The following ATXN7 variants were observed in gnomAD, a reference collection of about 807,000 sequenced individuals.
ATXN7 encodes ataxin 7.
ATXN7 carries 12 observed loss-of-function variants against 70.5 expected under a neutral mutation model. The ratio of observed to expected loss-of-function variants is 0.17; its 90% confidence interval spans 0.11 to 0.28. The LOEUF (loss-of-function observed/expected upper bound fraction) is 0.28, where lower values mean the gene tolerates loss of function less well. Ranked by LOEUF, ATXN7 falls within the 10% of genes least tolerant of loss-of-function variation. ATXN7 has a pLI of 1.00. For missense variants in ATXN7, 1,256 were observed against 1,131.7 expected (o/e 1.11, Z -1.58); for synonymous variants, 498 against 448.7 (o/e 1.11, Z -1.39).
In ATXN7 at chr3:63,980,172, GTA is replaced by G. The variant is rs570461625; in HGVS notation, c.752+7_752+8del. 80 of 1,614,132 alleles carry G rather than the reference GTA, an allele frequency of 5.0e-5. No individual in the cohort carries two copies. The African/African-American group carries it at 9.7e-4, about 20-fold the overall frequency. ...TAGAGTTCCCCATGGTAGAATGTGAGTATGGCCAAGAGGGTTTTTAAAGCTTA... is the reference window on the plus strand; with the variant it reads ...TAGAGTTCCCCATGGTAGAATGTGAGTGGCCAAGAGGGTTTTTAAAGCTTA... On this transcript the variant is annotated splice_donor_region_variant and intron_variant, in intron 6 of 12. Coordinates refer to ENST00000674280, the MANE Select transcript of ATXN7 (RefSeq NM_001377405.1).
chr3:63,930,428 G>C (rs1381091491), intron 4 of ATXN7, among the ~76,000 whole-genome samples: 1 of 152,200 alleles, frequency 6.6e-6, no homozygotes, highest in Non-Finnish European at 1.5e-5. Flanking sequence ...TTCCCTGGAA[G>C]GCCTTGGCCA....
chr3:63,958,968 C>T (rs1288407732), intron 5 of ATXN7, among the ~76,000 whole-genome samples: 3 of 152,178 alleles, frequency 2.0e-5, no homozygotes, highest in Middle Eastern at 3.2e-3. Flanking sequence ...ACAAAACTAT[C>T]ATTAGTGACA....
intron 1 of ATXN7, among the ~76,000 whole-genome samples, chr3:63,876,922 C>T (rs576750891): frequency 2.9e-4 from 44 of 152,052 alleles, no homozygotes; most frequent in Admixed American, 4.6e-4. Context: ...CATTTGTAGT[C>T]GGAGTACTTC....
At chr3:63,928,754 G>T (rs1704818537) in intron 4 of ATXN7, among the ~76,000 whole-genome samples, 1 of 152,198 alleles carries the variant, frequency 6.6e-6, no homozygotes, top group Non-Finnish European at 1.5e-5. Flanking sequence ...CAATTCAGCA[G>T]TGGCTTATTT....
rs1049126279 is a variant in ATXN7 at position 63,868,009 on chromosome 3, C to T, written c.-111+3851C>T. On this transcript the variant is annotated intron_variant, in intron 1 of 12. Coordinates refer to ENST00000674280, the MANE Select transcript of ATXN7 (RefSeq NM_001377405.1). Reference sequence around the variant, plus strand: ...CAGTTGATAAGCCAAGCTGGTCTGACGTGCTAGTCCTGCATGTACTGTGGC... The same window carrying T: ...CAGTTGATAAGCCAAGCTGGTCTGATGTGCTAGTCCTGCATGTACTGTGGC... 1.6e-4 allele frequency among the ~76,000 whole-genome samples: 24 copies of T among 152,338 alleles called. No individual in the cohort carries two copies. In the East Asian group the frequency reaches 1.9e-3, roughly 12 times the overall value.
intron 5 of ATXN7, among the ~76,000 whole-genome samples, chr3:63,953,752 G>A (rs539287599): frequency 2.6e-5 from 4 of 151,010 alleles, no homozygotes; most frequent in Non-Finnish European, 5.9e-5. Context: ...CCAGATTCAA[G>A]CAATTCCCTT....
chr3:63,929,492 C>A (rs1378916198), intron 4 of ATXN7, among the ~76,000 whole-genome samples: 1 of 152,020 alleles, frequency 6.6e-6, no homozygotes, highest in African/African-American at 2.4e-5. Flanking sequence ...ACGATGGTCT[C>A]GATCTCCTGA....
rs368210051 is a variant in ATXN7, at chr3:63,913,263, C to G, written c.394+38C>G. The G allele has an allele frequency of 2.0e-5, 32 of 1,592,126 alleles. No homozygotes were observed. In the African/African-American group the frequency reaches 3.8e-4, roughly 19 times the overall value. Reference sequence around the variant, plus strand: ...CCCCTGATGGAGTTTGTACAAACCCCTGGGAAGTTTCATTGACAGTTCACT... The same window carrying G: ...CCCCTGATGGAGTTTGTACAAACCCGTGGGAAGTTTCATTGACAGTTCACT... On this transcript the variant is annotated intron_variant, in intron 4 of 12. Transcript: ENST00000674280.
At chr3:63,945,461 C>T (rs775621808) in intron 4 of ATXN7, among the ~76,000 whole-genome samples, 1 of 152,190 alleles carries the variant, frequency 6.6e-6, no homozygotes, top group Non-Finnish European at 1.5e-5. Context: ...GACTATTGAA[C>T]TTGAACTTCT....
At chr3:63,877,582 A>G (rs182483125) in intron 1 of ATXN7, among the ~76,000 whole-genome samples, 22 of 152,334 alleles carry the variant, frequency 1.4e-4, no homozygotes, top group Admixed American at 1.2e-3. Context: ...ACAACTGTCT[A>G]TATCTGTCTG....
chr3:63,987,489 T>C (rs2075596510), intron 8 of ATXN7, among the ~76,000 whole-genome samples: 2 of 152,232 alleles, frequency 1.3e-5, no homozygotes, highest in Admixed American at 1.3e-4. Context: ...GCTCCTTGGC[T>C]GTGGCAGTCT....
intron 4 of ATXN7, among the ~76,000 whole-genome samples, chr3:63,939,123 C>G (rs1476684821): frequency 6.6e-6 from 1 of 151,944 alleles, no homozygotes; most frequent in Non-Finnish European, 1.5e-5. Context: ...TCTCAGAGGC[C>G]CTTAGAACTT....
rs141022009 is a variant in ATXN7, at chr3:63,958,140, C to T, written c.499+5657C>T. On this transcript the variant is annotated intron_variant, in intron 5 of 12. Coordinates refer to ENST00000674280, the MANE Select transcript of ATXN7 (RefSeq NM_001377405.1). ...GAACGTAGTTTTAGTAGAAACACTC[C>T]TGTGATCTTACAGCTTTCTCTCCTT... Among the ~76,000 whole-genome samples, 239 of 152,306 alleles carry T rather than the reference C, an allele frequency of 1.6e-3. 2 individuals carry two copies. The highest frequency in any genetic ancestry group is 5.4e-3 in the African/African-American group (223 of 41,554).
intron 1 of ATXN7, among the ~76,000 whole-genome samples, chr3:63,882,734 T>C (rs1702953126): frequency 6.6e-6 from 1 of 152,158 alleles, no homozygotes; most frequent in Admixed American, 6.5e-5. Flanking sequence ...GACAGGTTGA[T>C]TGGGACATAG....
intron 5 of ATXN7, chr3:63,967,695 C>G (rs963100677): frequency 3.6e-6 from 4 of 1,110,576 alleles, no homozygotes; most frequent in Non-Finnish European, 4.7e-6. Context: ...TTTACACCAG[C>G]CAGGACGCCT....
intron 4 of ATXN7, among the ~76,000 whole-genome samples, chr3:63,933,497 C>T (rs900796441): frequency 4.6e-5 from 7 of 152,078 alleles, no homozygotes; most frequent in Non-Finnish European, 8.8e-5. Context: ...TTTTTGCCAC[C>T]TTGTTGTTGA....
At chr3:63,958,750 G>C (rs2075076636) in intron 5 of ATXN7, among the ~76,000 whole-genome samples, 1 of 152,024 alleles carries the variant, frequency 6.6e-6, no homozygotes, top group South Asian at 2.1e-4. Context: ...GAGAATTTTT[G>C]CATGTATTAT....
intron 4 of ATXN7, among the ~76,000 whole-genome samples, chr3:63,938,566 C>A (rs185051645): frequency 1.3e-5 from 2 of 152,266 alleles, no homozygotes; most frequent in Non-Finnish European, 2.9e-5. Flanking sequence ...AAGGAAAATG[C>A]ATTCAAAGCT....
chr3:63,866,814 A>G (rs1702445670), intron 1 of ATXN7: 2 of 152,240 alleles, frequency 1.3e-5, no homozygotes, highest in Admixed American at 1.3e-4. Context: ...TCAAGCCCTT[A>G]CCATACTAAT....
Sources: gnomAD v4.1 joint callset for allele counts (sites outside exome capture counted in the v4.1 genomes callset) on GRCh38, gnomAD v4.1.1 for gene constraint, MANE v1.5 for transcripts, NCBI Gene and HGNC (gene_info 2026-07-23, HGNC 2026-07-21) for gene names.